The following WWOX variants were observed in gnomAD, a reference collection of about 807,000 sequenced individuals.
WWOX encodes WW domain-containing oxidoreductase.
Under a neutral mutation model 46.2 loss-of-function variants are expected in WWOX, and 69 were observed. The observed-to-expected ratio is 1.49, with a 90% CI of 1.23 to 1.82. The LOEUF (loss-of-function observed/expected upper bound fraction) is 1.82. Ranked by LOEUF, WWOX falls within the 40% of genes most tolerant of loss-of-function variation. WWOX has a pLI of 0.00. For synonymous variants in WWOX, 359 were observed against 202.6 expected (o/e 1.77, Z -6.56); for missense variants, 919 against 542.6 (o/e 1.69, Z -6.89).
At chr16:79,012,594 G>A (rs1220171194) in intron 8 of WWOX, among the ~76,000 whole-genome samples, 1 of 152,158 alleles carries the variant, frequency 6.6e-6, no homozygotes, top group Non-Finnish European at 1.5e-5. Context: ...ATATGGCTGA[G>A]GGCTACTCTA....
In WWOX at chr16:79,045,132, C is replaced by T. The variant is rs564771164; in HGVS notation, c.1057-166476C>T. On this transcript the variant is annotated intron_variant, in intron 8 of 8. Coordinates refer to ENST00000566780, the MANE Select transcript of WWOX (RefSeq NM_016373.4). ...GCATTCGTTCATTCATTTATTCTTTCGTAAATTCTATCGCATTAACCTTTA... is the reference window on the plus strand; with the variant it reads ...GCATTCGTTCATTCATTTATTCTTTTGTAAATTCTATCGCATTAACCTTTA... Among the ~76,000 whole-genome samples, 134 of 152,290 alleles carry T rather than the reference C, an allele frequency of 8.8e-4. 1 individual carries two copies. The highest frequency in any genetic ancestry group is 3.0e-3 in the African/African-American group (126 of 41,540).
chr16:78,618,540 T>C (rs2046087102), intron 8 of WWOX, among the ~76,000 whole-genome samples: 2 of 152,114 alleles, frequency 1.3e-5, no homozygotes, highest in Admixed American at 6.5e-5. Flanking sequence ...GACTTTATTT[T>C]ACCTGAACTG....
intron 8 of WWOX, among the ~76,000 whole-genome samples, chr16:78,937,448 C>CTTTTTTTTTTTTTTTTTTT (rs537642648): frequency 2.4e-5 from 2 of 81,988 alleles, no homozygotes; most frequent in African/African-American, 1.0e-4. Flanking sequence ...TTTGTATTAA[C>CTTTTTTTTTTTTTTTTTTT]TTTTTTTTTT....
intron 8 of WWOX, among the ~76,000 whole-genome samples, chr16:78,976,030 G>T (rs545214734): frequency 6.6e-5 from 10 of 152,246 alleles, no homozygotes; most frequent in Non-Finnish European, 1.3e-4. Flanking sequence ...TTTCAATGGT[G>T]CGTTTAGCCA....
chr16:78,830,021 T>A (rs998211357), intron 8 of WWOX, among the ~76,000 whole-genome samples: 2 of 151,782 alleles, frequency 1.3e-5, no homozygotes, highest in Admixed American at 1.3e-4. Context: ...GCTTTGGGAG[T>A]CTGAAGTGGT....
At chr16:78,738,672 G>T (rs1371928908) in intron 8 of WWOX, among the ~76,000 whole-genome samples, 1 of 152,052 alleles carries the variant, frequency 6.6e-6, no homozygotes, top group Non-Finnish European at 1.5e-5. Flanking sequence ...GATCGCATTT[G>T]CTTCTCCTGG....
chr16:78,925,989 G>C (rs570514102), intron 8 of WWOX, among the ~76,000 whole-genome samples: 12 of 152,326 alleles, frequency 7.9e-5, no homozygotes, highest in African/African-American at 2.9e-4. Flanking sequence ...GAAGGGAAGG[G>C]ATGTGGGGAG....
At chr16:79,169,145 G>A (rs1842242131) in intron 8 of WWOX, among the ~76,000 whole-genome samples, 1 of 152,180 alleles carries the variant, frequency 6.6e-6, no homozygotes, top group South Asian at 2.1e-4. Context: ...TTGGCCCATG[G>A]TAGAGAGGAG....
Position 78,293,986 on chromosome 16 carries a change from A to C in WWOX, c.517-92874A>C, listed in dbSNP as rs1291360945. 9.1e-3 allele frequency among the ~76,000 whole-genome samples: 1,336 copies of C among 146,890 alleles called. 29 individuals carry two copies. Among genetic ancestry groups the C allele is most frequent in the African/African-American group, 0.032 (1,267 of 39,788 alleles). On this transcript the variant is annotated intron_variant, in intron 5 of 8. Coordinates refer to ENST00000566780, the MANE Select transcript of WWOX (RefSeq NM_016373.4). The stretch of plus-strand genomic sequence containing the variant: ...AGTGAGACTCTGTCTCAGAAAAAAA[A>C]AAAAAAAAAAAAAAAAAAAAAAAAG...
chr16:78,719,818 A>G (rs1041244554), intron 8 of WWOX, among the ~76,000 whole-genome samples: 4 of 152,208 alleles, frequency 2.6e-5, no homozygotes, highest in East Asian at 3.9e-4. Flanking sequence ...ACAAACACCA[A>G]TCAAAAACAA....
At chr16:78,487,222 C>CT (rs1337706144) in intron 8 of WWOX, among the ~76,000 whole-genome samples, 3 of 150,952 alleles carry the variant, frequency 2.0e-5, no homozygotes, top group Non-Finnish European at 1.5e-5. Flanking sequence ...TTTCCCTTTT[C>CT]TTTTTTTTTC....
At chr16:78,790,779 G>A (rs1343744162) in intron 8 of WWOX, among the ~76,000 whole-genome samples, 1 of 152,106 alleles carries the variant, frequency 6.6e-6, no homozygotes, top group Non-Finnish European at 1.5e-5. Flanking sequence ...TAGCACTTTG[G>A]GAGGCAGAAG....
intron 5 of WWOX, among the ~76,000 whole-genome samples, chr16:78,380,527 G>A (rs756141577): frequency 7.9e-5 from 12 of 152,246 alleles, no homozygotes; most frequent in South Asian, 2.1e-4. Flanking sequence ...GAAGAGTGAA[G>A]CACTGCACTC....
intron 8 of WWOX, among the ~76,000 whole-genome samples, chr16:78,698,384 C>G (rs955300500): frequency 3.9e-5 from 6 of 152,148 alleles, no homozygotes; most frequent in Non-Finnish European, 8.8e-5. Context: ...ACAGAGGTTT[C>G]GCTACATTTT....
At chr16:78,253,792 C>G (rs776084828) in intron 5 of WWOX, among the ~76,000 whole-genome samples, 1 of 152,096 alleles carries the variant, frequency 6.6e-6, no homozygotes, top group Non-Finnish European at 1.5e-5. Flanking sequence ...CTAAATAAAA[C>G]CCAAGAGATT....
chr16:78,544,931 C>T (rs1018861446), intron 8 of WWOX, among the ~76,000 whole-genome samples: 6 of 151,378 alleles, frequency 4.0e-5, no homozygotes, highest in Middle Eastern at 3.5e-3. Context: ...AATCCTAGCC[C>T]TTTGGGAGGC....
At chr16:78,957,169 C>T (rs1376687872) in intron 8 of WWOX, among the ~76,000 whole-genome samples, 2 of 152,086 alleles carry the variant, frequency 1.3e-5, no homozygotes, top group African/African-American at 2.4e-5. Flanking sequence ...AGGTATCTGC[C>T]CTTAAAGAAG....
chr16:78,966,066 C>G (rs967019731), intron 8 of WWOX, among the ~76,000 whole-genome samples: 2 of 152,184 alleles, frequency 1.3e-5, no homozygotes, highest in East Asian at 1.9e-4. Flanking sequence ...CACTGTGTGA[C>G]CAGCTCTGAG....
At chr16:78,788,544 G>C (rs1377510889) in intron 8 of WWOX, among the ~76,000 whole-genome samples, 1 of 152,202 alleles carries the variant, frequency 6.6e-6, no homozygotes, top group Non-Finnish European at 1.5e-5. Flanking sequence ...GATAGCTGAA[G>C]ACAAGGAGGT....
Sources: gnomAD v4.1 joint callset for allele counts (sites outside exome capture counted in the v4.1 genomes callset) on GRCh38, gnomAD v4.1.1 for gene constraint, MANE v1.5 for transcripts, NCBI Gene and HGNC (gene_info 2026-07-23, HGNC 2026-07-21) for gene names.